LRRC4C: variants seen among roughly 807,000 people sequenced by gnomAD.
LRRC4C encodes the protein leucine rich repeat containing 4C, also known as leucine-rich repeat-containing protein 4C.
In LRRC4C, 5 loss-of-function variants were observed where a neutral mutation model predicts 33.6. That is an observed-to-expected ratio of 0.15 (90% CI 0.08 to 0.31). The LOEUF (loss-of-function observed/expected upper bound fraction) is 0.31, where lower values mean the gene tolerates loss of function less well. LRRC4C is among the 10% of genes least tolerant of loss of function. LRRC4C has a pLI of 1.00. For missense variants in LRRC4C, 560 were observed against 796.7 expected (o/e 0.70, Z 3.58); for synonymous variants, 329 against 302.0 (o/e 1.09, Z -0.93).
At position 41,041,109 on chromosome 11, in the gene LRRC4C, C is replaced by T. The variant is rs535648234; in HGVS notation, c.-495-107386G>A. On this transcript the variant is annotated intron_variant, in intron 1 of 6. Transcript: ENST00000528697. ...TATGTTTTTAAGAAAGGAGAACCAT[C>T]GTATTTGAACTGCTTTTATATATGT... Among the ~76,000 whole-genome samples the T allele has an allele frequency of 5.9e-5, 9 of 151,566 alleles. 1 individual carries two copies. In the South Asian group the frequency reaches 8.3e-4, roughly 14 times the overall value.
chr11:40,151,774 C>T (rs1349014345), intron 5 of LRRC4C, among the ~76,000 whole-genome samples: 2 of 152,196 alleles, frequency 1.3e-5, no homozygotes, highest in African/African-American at 4.8e-5. Context: ...CATGAGATCT[C>T]TGTCATTATT....
intron 3 of LRRC4C, among the ~76,000 whole-genome samples, chr11:40,642,547 T>C (rs182060135): frequency 5.9e-5 from 9 of 152,280 alleles, no homozygotes; most frequent in African/African-American, 2.2e-4. Context: ...AATATAACTT[T>C]TACCTTGTAT....
rs368234307 is a variant in LRRC4C, at chr11:40,696,748, G to GTGTATATATATATA, written c.-406-48471_-406-48470insTATATATATATACA. Among the ~76,000 whole-genome samples the GTGTATATATATATA allele has an allele frequency of 1.8e-3, 229 of 125,868 alleles. 2 individuals carry two copies. Among genetic ancestry groups the GTGTATATATATATA allele is most frequent in the African/African-American group, 4.3e-3 (137 of 31,972 alleles). The allele number at this position is 125,868 out of a possible 152,430, so 82.6% of individuals were successfully genotyped here. On this transcript the variant is annotated intron_variant, in intron 2 of 6. Transcript: ENST00000528697. ...GTCTCTGTGCATATATATACACTGTGTATATATATATATATATATATATAT... is the reference window on the plus strand; with the variant it reads ...GTCTCTGTGCATATATATACACTGTGTGTATATATATATATATATATATATATATATATATATAT...
Position 41,305,425 on chromosome 11 carries a change from G to A in LRRC4C, c.-496+154006C>T, listed in dbSNP as rs1391992094. Among the ~76,000 whole-genome samples the A allele has an allele frequency of 5.9e-5, 3 of 50,558 alleles. 1 individual carries two copies. The highest frequency in any genetic ancestry group is 1.3e-4 in the African/African-American group (3 of 22,600). 33.2% of individuals were successfully genotyped at this position (50,558 alleles called of 152,430 possible). On this transcript the variant is annotated intron_variant, in intron 1 of 6. Transcript: ENST00000528697. ...GTGTGCCCAACAGCTCATTGAGAAC[G>A]GGCCAGGATGACAATGGCGGCTTTG... is the stretch of plus-strand genomic sequence containing the variant.
chr11:40,582,600 T>C (rs1446738901), intron 3 of LRRC4C, among the ~76,000 whole-genome samples: 6 of 146,228 alleles, frequency 4.1e-5, no homozygotes, highest in Non-Finnish European at 9.0e-5. Flanking sequence ...CACTGCAACC[T>C]CTGCCTCCCA....
chr11:40,574,961 G>A lies in LRRC4C; in HGVS notation c.-270+73181C>T, dbSNP rs939627976. Reference sequence around the variant, plus strand: ...TAGCCAGAGTGTTGTCTAAAAGGGCGGTAAGACCACTGTATGGGCACATCC... The same window carrying A: ...TAGCCAGAGTGTTGTCTAAAAGGGCAGTAAGACCACTGTATGGGCACATCC... On this transcript the variant is annotated intron_variant, in intron 3 of 6. Coordinates refer to ENST00000528697, the MANE Select transcript of LRRC4C (RefSeq NM_001258419.2). Among the ~76,000 whole-genome samples, 10 of 152,166 alleles carry A rather than the reference G, an allele frequency of 6.6e-5. No homozygotes were observed. In the East Asian group the frequency reaches 7.8e-4, roughly 12 times the overall value.
intron 1 of LRRC4C, among the ~76,000 whole-genome samples, chr11:41,070,030 A>G (rs1268399846): frequency 2.0e-5 from 3 of 152,220 alleles, no homozygotes; most frequent in Non-Finnish European, 1.5e-5. Context: ...CTAAAAGGCT[A>G]TAGTAACCAA....
At chr11:40,266,098 CA>C (rs1206843484) in intron 4 of LRRC4C, among the ~76,000 whole-genome samples, 1 of 151,946 alleles carries the variant, frequency 6.6e-6, no homozygotes, top group Non-Finnish European at 1.5e-5. Flanking sequence ...AGGAGTTTCA[CA>C]ACAGCCTGGA....
chr11:40,615,830 T>C (rs1230384803), intron 3 of LRRC4C, among the ~76,000 whole-genome samples: 1 of 151,790 alleles, frequency 6.6e-6, no homozygotes, highest in Non-Finnish European at 1.5e-5. Flanking sequence ...TCAGGAAATG[T>C]TTTGTTTGTT....
intron 3 of LRRC4C, among the ~76,000 whole-genome samples, chr11:40,532,589 T>C (rs1338477377): frequency 6.6e-6 from 1 of 151,856 alleles, no homozygotes; most frequent in Non-Finnish European, 1.5e-5. Context: ...CACAGGGATA[T>C]CTAGTGTCAT....
intron 5 of LRRC4C, among the ~76,000 whole-genome samples, chr11:40,214,085 G>T (rs1358215409): frequency 2.0e-5 from 3 of 152,126 alleles, no homozygotes; most frequent in Non-Finnish European, 4.4e-5. Context: ...CTTTCCCCCT[G>T]TGGAGGCTGG....
intron 1 of LRRC4C, among the ~76,000 whole-genome samples, chr11:41,043,492 T>A (rs528743260): frequency 6.6e-6 from 1 of 151,736 alleles, no homozygotes; most frequent in African/African-American, 2.4e-5. Context: ...TCAAGGCTAT[T>A]CCTTCCACTT....
chr11:40,765,689 A>C (rs940206654), intron 2 of LRRC4C, among the ~76,000 whole-genome samples: 1 of 152,080 alleles, frequency 6.6e-6, no homozygotes, highest in Non-Finnish European at 1.5e-5. Flanking sequence ...GTATATACTA[A>C]AGATATATCA....
At chr11:40,138,235 A>AT (rs1857123892) in intron 6 of LRRC4C, among the ~76,000 whole-genome samples, 1 of 151,508 alleles carries the variant, frequency 6.6e-6, no homozygotes, top group Non-Finnish European at 1.5e-5. Context: ...TGGTGCAATC[A>AT]TAGCTCACTG....
intron 1 of LRRC4C, among the ~76,000 whole-genome samples, chr11:41,042,783 A>G (rs1380329227): frequency 6.6e-6 from 1 of 152,058 alleles, no homozygotes; most frequent in Non-Finnish European, 1.5e-5. Context: ...TGTTGTTGTT[A>G]AATGTTTCTA....
intron 3 of LRRC4C, among the ~76,000 whole-genome samples, chr11:40,423,605 A>G (rs1482394778): frequency 1.3e-5 from 2 of 151,928 alleles, no homozygotes; most frequent in Non-Finnish European, 2.9e-5. Context: ...CGGCCTCCCA[A>G]AGTGCTGGGA....
intron 3 of LRRC4C, among the ~76,000 whole-genome samples, chr11:40,642,605 A>G (rs527470125): frequency 1.6e-4 from 24 of 152,304 alleles, no homozygotes; most frequent in Non-Finnish European, 2.9e-4. Flanking sequence ...GCCCTGTATT[A>G]TTTGATAATT....
chr11:40,668,316 T>C (rs1185572084), intron 2 of LRRC4C, among the ~76,000 whole-genome samples: 3 of 152,222 alleles, frequency 2.0e-5, no homozygotes, highest in Non-Finnish European at 2.9e-5. Context: ...TTATGTTTGA[T>C]AACTGTATCT....
At chr11:40,476,301 T>C (rs905976677) in intron 3 of LRRC4C, among the ~76,000 whole-genome samples, 6 of 151,208 alleles carry the variant, frequency 4.0e-5, no homozygotes, top group Non-Finnish European at 5.9e-5. Flanking sequence ...ACTAACATCC[T>C]GTAAAGGGAT....
Sources: gnomAD v4.1 joint callset for allele counts (sites outside exome capture counted in the v4.1 genomes callset) on GRCh38, gnomAD v4.1.1 for gene constraint, MANE v1.5 for transcripts, NCBI Gene and HGNC (gene_info 2026-07-23, HGNC 2026-07-21) for gene names.